MALRD1: variants seen among roughly 807,000 people sequenced by gnomAD.
MALRD1 encodes MAM and LDL receptor class A domain containing 1.
Under a neutral mutation model 242.1 loss-of-function variants are expected in MALRD1, and 247 were observed. That is an observed-to-expected ratio of 1.02 (90% CI 0.92 to 1.13). The LOEUF (loss-of-function observed/expected upper bound fraction) is 1.13, where lower values mean the gene tolerates loss of function less well. MALRD1 is among the 50% of genes most tolerant of loss of function. The pLI, the probability that MALRD1 is intolerant of heterozygous loss-of-function variation, is 0.00. For synonymous variants in MALRD1, 995 were observed against 866.6 expected (o/e 1.15, Z -2.60); for missense variants, 2,989 against 2,533.1 (o/e 1.18, Z -3.86).
chr10:19,438,900 C>A (rs1834476977), intron 28 of MALRD1, among the ~76,000 whole-genome samples: 1 of 152,174 alleles, frequency 6.6e-6, no homozygotes, highest in Admixed American at 6.5e-5. Context: ...CTCTTCTGAA[C>A]TCATTGCCTG....
chr10:19,549,229 C>CA (rs1835377722), intron 32 of MALRD1, among the ~76,000 whole-genome samples: 1 of 152,142 alleles, frequency 6.6e-6, no homozygotes, highest in Non-Finnish European at 1.5e-5. Context: ...AAGCCACCTG[C>CA]TTAACATAAA....
chr10:19,157,588 C>T (rs138438858), intron 12 of MALRD1, among the ~76,000 whole-genome samples: 165 of 152,186 alleles, frequency 1.1e-3, no homozygotes, highest in African/African-American at 3.9e-3. Context: ...GCAAACAGAA[C>T]GAATTCTTAC....
intron 33 of MALRD1, among the ~76,000 whole-genome samples, chr10:19,570,153 G>A (rs910916576): frequency 2.6e-5 from 4 of 151,912 alleles, no homozygotes; most frequent in Admixed American, 2.0e-4. Flanking sequence ...GTCATTTTGT[G>A]TAATAAACGT....
intron 12 of MALRD1, among the ~76,000 whole-genome samples, chr10:19,158,589 A>G (rs12570472): frequency 0.2 from 29,782 of 152,204 alleles, 3,513 homozygotes; most frequent in East Asian, 0.32. Context: ...GACTTCTCCC[A>G]AGTGCTTGCT....
chr10:19,112,173 AAGCC>A (rs1836701870), intron 5 of MALRD1, among the ~76,000 whole-genome samples: 1 of 148,360 alleles, frequency 6.7e-6, no homozygotes, highest in Non-Finnish European at 1.5e-5. Flanking sequence ...TTTTTTTATG[AAGCC>A]AGTAGAGCTC....
At chr10:19,416,065 A>G (rs911416469) in intron 28 of MALRD1, among the ~76,000 whole-genome samples, 2 of 152,202 alleles carry the variant, frequency 1.3e-5, no homozygotes, top group African/African-American at 2.4e-5. Context: ...CTTGTTAACT[A>G]ATTTGCCTAA....
At chr10:19,220,108 A>G (rs1392529795) in intron 18 of MALRD1, among the ~76,000 whole-genome samples, 1 of 152,180 alleles carries the variant, frequency 6.6e-6, no homozygotes, top group Admixed American at 6.5e-5. Context: ...TTTTTTAAAA[A>G]GTTGTTCAGT....
At chr10:19,441,752 A>C (rs1370258624) in intron 28 of MALRD1, among the ~76,000 whole-genome samples, 1 of 152,120 alleles carries the variant, frequency 6.6e-6, no homozygotes, top group Non-Finnish European at 1.5e-5. Flanking sequence ...GTATAGTTTG[A>C]AGTCAGGTAG....
intron 26 of MALRD1, among the ~76,000 whole-genome samples, chr10:19,367,151 CTG>C (rs1166269163): frequency 6.6e-6 from 1 of 152,034 alleles, no homozygotes; most frequent in Non-Finnish European, 1.5e-5. Flanking sequence ...CTATTTGAAA[CTG>C]TAATATATTA....
intron 1 of MALRD1, among the ~76,000 whole-genome samples, chr10:19,060,722 G>T (rs1834799235): frequency 6.6e-6 from 1 of 152,172 alleles, no homozygotes; most frequent in Admixed American, 6.5e-5. Context: ...AATGACCAGA[G>T]AGAGGTCACA....
intron 2 of MALRD1, among the ~76,000 whole-genome samples, chr10:19,084,436 T>C (rs937013046): frequency 2.6e-5 from 4 of 151,954 alleles, no homozygotes; most frequent in African/African-American, 9.7e-5. Flanking sequence ...TTAATGTTCT[T>C]GAGAACTGAT....
chr10:19,427,429 A>C (rs543854321), intron 28 of MALRD1, among the ~76,000 whole-genome samples: 1 of 152,182 alleles, frequency 6.6e-6, no homozygotes, highest in Non-Finnish European at 1.5e-5. Context: ...CAGATAATAG[A>C]TTATAGAGTG....
At chr10:19,610,797 A>G (rs934885764) in intron 35 of MALRD1, among the ~76,000 whole-genome samples, 2 of 152,012 alleles carry the variant, frequency 1.3e-5, no homozygotes, top group South Asian at 4.1e-4. Flanking sequence ...AGTAAGTTAT[A>G]TGAAAGGCCT....
intron 33 of MALRD1, among the ~76,000 whole-genome samples, chr10:19,576,963 CGT>C (rs1491176832): frequency 2.6e-4 from 28 of 107,154 alleles, no homozygotes; most frequent in African/African-American, 1.1e-3. Context: ...TCCACATTGT[CGT>C]TTTTTTTTTT....
At chr10:19,547,800 ATATATATATATATATATATTTTTTTT>A (rs1446549768) in intron 32 of MALRD1, among the ~76,000 whole-genome samples, 4 of 15,032 alleles carry the variant, frequency 2.7e-4, no homozygotes, top group Admixed American at 9.7e-4. Flanking sequence ...ATATATATAT[ATATATATATATATATATATTTTTTTT>A]TTTTTTTTTT....
chr10:19,235,307 AT>A (rs1398828110), intron 18 of MALRD1, among the ~76,000 whole-genome samples: 1 of 152,044 alleles, frequency 6.6e-6, no homozygotes. Context: ...AATAATAGCC[AT>A]TCCAACCGGT....
intron 30 of MALRD1, among the ~76,000 whole-genome samples, chr10:19,495,693 A>C (rs1206349979): frequency 1.3e-5 from 2 of 152,182 alleles, no homozygotes; most frequent in African/African-American, 4.8e-5. Flanking sequence ...CCAGCTAATG[A>C]CATGATGACA....
chr10:19,144,094 G>A (rs1009193833), intron 10 of MALRD1, among the ~76,000 whole-genome samples: 4 of 152,152 alleles, frequency 2.6e-5, no homozygotes, highest in Non-Finnish European at 5.9e-5. Flanking sequence ...ACCATTAGGC[G>A]ATGTGCAACA....
chr10:19,312,602 G>T (rs1420900131), intron 21 of MALRD1, among the ~76,000 whole-genome samples: 1 of 150,930 alleles, frequency 6.6e-6, no homozygotes, highest in African/African-American at 2.4e-5. Context: ...GTTTTTTTCA[G>T]ACCCTGATAA....
Sources: allele counts gnomAD v4.1 joint callset (sites outside exome capture counted in the v4.1 genomes callset), GRCh38; gene constraint gnomAD v4.1.1; transcripts MANE v1.5; gene names NCBI Gene and HGNC (gene_info 2026-07-23, HGNC 2026-07-21).